STPG2: variants seen among roughly 807,000 people sequenced by gnomAD.
The protein encoded by STPG2 is sperm tail PG-rich repeat containing 2, also known as sperm-tail PG-rich repeat-containing protein 2.
STPG2 carries 56 observed loss-of-function variants against 54.2 expected under a neutral mutation model. The observed-to-expected ratio is 1.03, with a 90% CI of 0.83 to 1.29. STPG2 has a LOEUF of 1.29. Ranked by LOEUF, STPG2 falls within the 50% of genes most tolerant of loss-of-function variation. STPG2 has a pLI of 0.00. For synonymous variants in STPG2, 200 were observed against 181.8 expected, an observed-to-expected ratio of 1.10 and a Z score of -0.81; for missense variants, 596 against 544.9, an observed-to-expected ratio of 1.09 and a Z score of -0.93.
At chr4:98,142,764 C>A (rs1740334432) in intron 1 of STPG2, among the ~76,000 whole-genome samples, 1 of 152,102 alleles carries the variant, frequency 6.6e-6, no homozygotes, top group East Asian at 1.9e-4. Context: ...AATCAAAATC[C>A]TAGACCTAAA....
intron 4 of STPG2, among the ~76,000 whole-genome samples, chr4:97,477,091 T>C (rs1730090544): frequency 6.6e-6 from 1 of 152,224 alleles, no homozygotes; most frequent in Admixed American, 6.5e-5. Flanking sequence ...GTTACTCTAT[T>C]AGAGTCCTCT....
At chr4:97,537,198 C>T (rs1578370513) in intron 4 of STPG2, among the ~76,000 whole-genome samples, 1 of 152,058 alleles carries the variant, frequency 6.6e-6, no homozygotes, top group Admixed American at 6.6e-5. Context: ...ACAGTGGGTG[C>T]AGGACAGTGG....
chr4:97,873,656 T>A (rs1488744728), intron 8 of STPG2, among the ~76,000 whole-genome samples: 1 of 151,526 alleles, frequency 6.6e-6, no homozygotes, highest in Non-Finnish European at 1.5e-5. Flanking sequence ...CTCAAAAGTA[T>A]CCTAGTACTA....
At chr4:97,966,538 T>C (rs557363330) in intron 7 of STPG2, among the ~76,000 whole-genome samples, 11 of 152,218 alleles carry the variant, frequency 7.2e-5, no homozygotes, top group African/African-American at 2.4e-4. Context: ...ACAAATATAC[T>C]TCTTGAGAAT....
chr4:97,723,470 T>A (rs759118645), intron 9 of STPG2, among the ~76,000 whole-genome samples: 1 of 152,180 alleles, frequency 6.6e-6, no homozygotes, highest in African/African-American at 2.4e-5. Context: ...CCACTGAATC[T>A]GATTTCTTTT....
chr4:97,571,397 C>T (rs531645166), intron 10 of STPG2, among the ~76,000 whole-genome samples: 2 of 152,158 alleles, frequency 1.3e-5, no homozygotes, highest in Admixed American at 6.5e-5. Context: ...AAGTGGAGGT[C>T]GAACGTGCCT....
intron 4 of STPG2, among the ~76,000 whole-genome samples, chr4:97,450,164 A>T (rs1204645751): frequency 6.6e-6 from 1 of 152,190 alleles, no homozygotes; most frequent in African/African-American, 2.4e-5. Flanking sequence ...GAAAAATAAT[A>T]AAAAATAAAA....
At chr4:97,945,818 G>A (rs1733192939) in intron 7 of STPG2, among the ~76,000 whole-genome samples, 1 of 152,026 alleles carries the variant, frequency 6.6e-6, no homozygotes, top group African/African-American at 2.4e-5. Flanking sequence ...CACCACTTTG[G>A]GAGGCCAAAT....
intron 10 of STPG2, among the ~76,000 whole-genome samples, chr4:97,711,701 G>A (rs1012926089): frequency 2.4e-4 from 33 of 136,220 alleles, no homozygotes; most frequent in Non-Finnish European, 3.1e-4. Context: ...AAGGAGTCTC[G>A]CTCTGTCACC....
At chr4:97,879,415 A>C (rs752318316) in intron 8 of STPG2, among the ~76,000 whole-genome samples, 90 of 152,234 alleles carry the variant, frequency 5.9e-4, no homozygotes, top group Non-Finnish European at 1.2e-3. Flanking sequence ...TCATAGTTCC[A>C]CATGGCTGGG....
intron 5 of STPG2, among the ~76,000 whole-genome samples, chr4:98,034,713 A>G (rs1284466538): frequency 6.6e-6 from 1 of 152,244 alleles, no homozygotes; most frequent in Non-Finnish European, 1.5e-5. Context: ...ACAAGCCTAC[A>G]GTAACCAAAA....
intron 4 of STPG2, among the ~76,000 whole-genome samples, chr4:97,544,998 G>A (rs1731803139): frequency 6.6e-6 from 1 of 152,052 alleles, no homozygotes; most frequent in Admixed American, 6.6e-5. Context: ...GCTCTAGAGA[G>A]TGCTTCTCCA....
At chr4:97,900,931 T>C (rs1021246997) in intron 8 of STPG2, among the ~76,000 whole-genome samples, 3 of 151,962 alleles carry the variant, frequency 2.0e-5, no homozygotes, top group African/African-American at 4.8e-5. Context: ...AAAATAAAAG[T>C]TTTTTTAAAA....
At chr4:98,127,037 CCAAG>C (rs1457748086) in intron 3 of STPG2, among the ~76,000 whole-genome samples, 1 of 151,560 alleles carries the variant, frequency 6.6e-6, no homozygotes, top group African/African-American at 2.4e-5. Context: ...AAGCAAAAAA[CCAAG>C]CAACATATAC....
intron 10 of STPG2, among the ~76,000 whole-genome samples, chr4:97,712,180 G>C (rs1284503908): frequency 1.3e-5 from 2 of 152,092 alleles, no homozygotes; most frequent in Non-Finnish European, 2.9e-5. Context: ...GGGCAATAAA[G>C]GGCTATTGTG....
intron 8 of STPG2, among the ~76,000 whole-genome samples, chr4:97,894,281 T>C (rs1268440271): frequency 6.6e-6 from 1 of 151,970 alleles, no homozygotes; most frequent in Admixed American, 6.6e-5. Flanking sequence ...TTATATCAAA[T>C]GAAATTTAAG....
chr4:97,580,326 TATA>T (rs892417207), intron 10 of STPG2, among the ~76,000 whole-genome samples: 7 of 152,090 alleles, frequency 4.6e-5, no homozygotes, highest in African/African-American at 1.2e-4. Context: ...GATTATATGA[TATA>T]ATAATATTAT....
chr4:98,064,185 T>C (rs1343108867), intron 5 of STPG2, among the ~76,000 whole-genome samples: 1 of 152,138 alleles, frequency 6.6e-6, no homozygotes, highest in Non-Finnish European at 1.5e-5. Flanking sequence ...ATTATAAAAG[T>C]CAACAAATAA....
chr4:97,911,727 G>T (rs373624806), intron 8 of STPG2, among the ~76,000 whole-genome samples: 1 of 152,126 alleles, frequency 6.6e-6, no homozygotes, highest in African/African-American at 2.4e-5. Context: ...AGCGACAAAG[G>T]TCTTCACGGT....
Sources: gnomAD v4.1 joint callset for allele counts (sites outside exome capture counted in the v4.1 genomes callset) on GRCh38, gnomAD v4.1.1 for gene constraint, MANE v1.5 for transcripts, NCBI Gene and HGNC (gene_info 2026-07-23, HGNC 2026-07-21) for gene names.